Variants in PCDHGA6 observed in about 807,000 individuals in gnomAD.
PCDHGA6 encodes protocadherin gamma subfamily A, 6.
Under a neutral mutation model 60.6 loss-of-function variants are expected in PCDHGA6, and 41 were observed. The ratio of observed to expected loss-of-function variants is 0.68; its 90% CI spans 0.53 to 0.88. The LOEUF (loss-of-function observed/expected upper bound fraction) is 0.88. PCDHGA6 is among the 40% of genes least tolerant of loss of function. The pLI, the probability that PCDHGA6 is intolerant of heterozygous loss-of-function variation, is 0.00. For synonymous variants in PCDHGA6, 594 were observed against 524.4 expected (o/e 1.13, Z -1.81); for missense variants, 1,312 against 1,203.0 (o/e 1.09, Z -1.34).
At chr5:141,504,517 T>C (rs1057166865) in intron 2 of PCDHGA6, among the ~76,000 whole-genome samples, 5 of 151,918 alleles carry the variant, frequency 3.3e-5, no homozygotes, top group African/African-American at 1.2e-4. Context: ...TCTCCTCTGA[T>C]ATATTTTATT....
In PCDHGA6 at chr5:141,422,749, A is replaced by G. The variant is rs202046219; in HGVS notation, c.2424+46242A>G. Reference sequence around the variant, plus strand: ...GGTGCCTCTGTCCTCCTATGTCTCTATTAACTCCAACACTGGTGTTCTCTA... The same window carrying G: ...GGTGCCTCTGTCCTCCTATGTCTCTGTTAACTCCAACACTGGTGTTCTCTA... On this transcript the variant is annotated intron_variant, in intron 1 of 3. Coordinates refer to ENST00000517434, the MANE Select transcript of PCDHGA6 (RefSeq NM_018919.3). 269 of 1,611,644 alleles carry G rather than the reference A, an allele frequency of 1.7e-4. 1 individual carries two copies. The African/African-American group carries it at 3.3e-3, about 20-fold the overall frequency.
At chr5:141,410,631 C>A (rs1227907799) in intron 1 of PCDHGA6, 1 of 1,600,936 alleles carries the variant, frequency 6.2e-7, no homozygotes, top group East Asian at 2.2e-5. Context: ...GTGAGTTTCT[C>A]TTTTTTGTGT....
chr5:141,414,667 G>C, intron 1 of PCDHGA6: 1 of 1,614,002 alleles, frequency 6.2e-7, no homozygotes, highest in Non-Finnish European at 8.5e-7. Flanking sequence ...CCTGGCTGAA[G>C]ACACCATCCA....
In PCDHGA6 at chr5:141,463,735, C is replaced by T. The variant is rs1411988885; in HGVS notation, c.2425-31072C>T. On this transcript the variant is annotated intron_variant, in intron 1 of 3. Coordinates refer to ENST00000517434, the MANE Select transcript of PCDHGA6 (RefSeq NM_018919.3). ...TGCTGGGATTACAGGCATGAGCCAC[C>T]GCGCCCGGCCTGCTTCTCTTCTCTT... 3.3e-5 allele frequency among the ~76,000 whole-genome samples: 5 copies of T among 152,100 alleles called. No individual in the cohort carries two copies. The East Asian group carries it at 7.8e-4, about 24-fold the overall frequency.
rs1163047741 is a variant in PCDHGA6 at position 141,374,379 on chromosome 5, G to C, written c.296G>C (p.Ser99Thr). ...RIDREELCAQ[S>T]PRCLVSFNIL... ...GACCGCGAGGAGCTCTGTGCTCAGAGCCCGCGGTGTCTGGTGAGTTTTAAC... is the reference window on the plus strand; with the variant it reads ...GACCGCGAGGAGCTCTGTGCTCAGACCCCGCGGTGTCTGGTGAGTTTTAAC... Residue 99 changes from serine to threonine, a missense_variant, in exon 1 of 4, where the codon AGC becomes ACC. By Grantham distance (58) the Ser-to-Thr change is moderately conservative (BLOSUM62 1). Coordinates refer to ENST00000517434, the MANE Select transcript of PCDHGA6 (RefSeq NM_018919.3). 6.2e-7 allele frequency: 1 copy of C among 1,614,042 alleles called. No homozygotes were observed. The highest frequency in any genetic ancestry group is 1.7e-5 in the Admixed American group (1 of 60,028).
intron 1 of PCDHGA6, among the ~76,000 whole-genome samples, chr5:141,426,030 G>A (rs966664613): frequency 1.3e-5 from 2 of 152,168 alleles, no homozygotes; most frequent in Admixed American, 6.5e-5. Context: ...AATAGACTCA[G>A]AGCCCTGCTG....
Position 141,490,532 on chromosome 5 carries a change from C to T in PCDHGA6, c.2425-4275C>T. Reference sequence around the variant, plus strand: ...GAGCTGCTGGCCAGCGATGCTGGTTCACCTTCCCTACACAAACATCTCACC... The same window carrying T: ...GAGCTGCTGGCCAGCGATGCTGGTTTACCTTCCCTACACAAACATCTCACC... On this transcript the variant is annotated intron_variant, in intron 1 of 3. Coordinates refer to ENST00000517434, the MANE Select transcript of PCDHGA6 (RefSeq NM_018919.3). This position sits in a 1 kb window ranked among gnomAD's most constrained non-coding sequence, Gnocchi z 5.4. 6.2e-7 allele frequency: 1 copy of T among 1,614,142 alleles called. No homozygotes were observed. Among genetic ancestry groups the T allele is most frequent in the Non-Finnish European group, 8.5e-7 (1 of 1,180,030 alleles).
At position 141,432,579 on chromosome 5, in the gene PCDHGA6, G is replaced by T; in HGVS notation, c.2424+56072G>T. On this transcript the variant is annotated intron_variant, in intron 1 of 3. Coordinates refer to ENST00000517434, the MANE Select transcript of PCDHGA6 (RefSeq NM_018919.3). This position sits in a 1 kb window ranked among gnomAD's most constrained non-coding sequence, Gnocchi z 6.0. ...GGCCAGAACGCCTGGCTGTCCTACC[G>T]TCTGCTCAAGGCCAGCGAGCCGGGA... is the stretch of plus-strand genomic sequence containing the variant. 1 of 1,613,860 alleles carries T rather than the reference G, an allele frequency of 6.2e-7. No homozygotes were observed. Among genetic ancestry groups the T allele is most frequent in the Non-Finnish European group, 8.5e-7 (1 of 1,179,984 alleles).
In PCDHGA6 at chr5:141,432,582, T is replaced by A. The variant is rs1561862595; in HGVS notation, c.2424+56075T>A. 2 of 1,613,236 alleles carry A rather than the reference T, an allele frequency of 1.2e-6. No homozygotes were observed. The highest frequency in any genetic ancestry group is 1.7e-6 in the Non-Finnish European group (2 of 1,179,922). On this transcript the variant is annotated intron_variant, in intron 1 of 3. Transcript: ENST00000517434. This position sits in a 1 kb window ranked among gnomAD's most constrained non-coding sequence, Gnocchi z 6.0. ...CAGAACGCCTGGCTGTCCTACCGTC[T>A]GCTCAAGGCCAGCGAGCCGGGACTC...
intron 1 of PCDHGA6, among the ~76,000 whole-genome samples, chr5:141,474,280 C>A (rs1490512371): frequency 6.6e-6 from 1 of 152,136 alleles, no homozygotes; most frequent in African/African-American, 2.4e-5. Context: ...CTCTGAATAA[C>A]CCACTAGATC....
intron 1 of PCDHGA6, chr5:141,478,825 T>G: frequency 1.4e-6 from 2 of 1,441,878 alleles, no homozygotes; most frequent in East Asian, 5.0e-5. Context: ...TAACCAATCT[T>G]GCTAAGGGAT....
chr5:141,499,414 T>C (rs543824206), intron 2 of PCDHGA6, among the ~76,000 whole-genome samples: 1 of 151,804 alleles, frequency 6.6e-6, no homozygotes, highest in Non-Finnish European at 1.5e-5. Context: ...TATAGAAACA[T>C]GAAAAATAGA....
In PCDHGA6 at chr5:141,408,231, G is replaced by A. The variant is rs775180708; in HGVS notation, c.2424+31724G>A. On this transcript the variant is annotated intron_variant, in intron 1 of 3. Coordinates refer to ENST00000517434, the MANE Select transcript of PCDHGA6 (RefSeq NM_018919.3). ...GGAGGGAGCTGCGCGCAGAGGCGCC[G>A]GGCCGGCCCGCGGCAGGTGCTATTT... 5 of 1,567,976 alleles carry A rather than the reference G, an allele frequency of 3.2e-6. No individual in the cohort carries two copies. In the African/African-American group the frequency reaches 5.4e-5, roughly 17 times the overall value.
intron 2 of PCDHGA6, among the ~76,000 whole-genome samples, chr5:141,503,088 C>T (rs1003234288): frequency 4.0e-5 from 6 of 151,864 alleles, no homozygotes; most frequent in Admixed American, 1.3e-4. Context: ...CTCCTGACCT[C>T]GTGGTCTGCC....
At chr5:141,407,563 A>T (rs1483622352) in intron 1 of PCDHGA6, among the ~76,000 whole-genome samples, 1 of 152,032 alleles carries the variant, frequency 6.6e-6, no homozygotes, top group Non-Finnish European at 1.5e-5. Context: ...ACATAAGCTG[A>T]AAGATAAAAT....
intron 1 of PCDHGA6, chr5:141,410,011 G>T (rs2095347816): frequency 6.2e-7 from 1 of 1,613,184 alleles, no homozygotes; most frequent in South Asian, 1.1e-5. Context: ...ACAACGCCTG[G>T]CTGTCCTACC....
intron 2 of PCDHGA6, among the ~76,000 whole-genome samples, chr5:141,503,269 C>T (rs1161751693): frequency 6.6e-6 from 1 of 152,116 alleles, no homozygotes; most frequent in Non-Finnish European, 1.5e-5. Flanking sequence ...ACCCCAGCAC[C>T]TGGCTCTGTG....
intron 1 of PCDHGA6, among the ~76,000 whole-genome samples, chr5:141,436,839 A>G (rs1247924864): frequency 6.6e-6 from 1 of 152,260 alleles, no homozygotes; most frequent in African/African-American, 2.4e-5. Flanking sequence ...GTGCCTAGGC[A>G]CATTCTTGAT....
intron 1 of PCDHGA6, chr5:141,413,350 G>C: frequency 6.2e-7 from 1 of 1,613,974 alleles, no homozygotes; most frequent in South Asian, 1.1e-5. Context: ...CTTGGGTCTG[G>C]CGCCCCGGGA....
Sources: allele counts gnomAD v4.1 joint callset (sites outside exome capture counted in the v4.1 genomes callset), GRCh38; gene constraint gnomAD v4.1.1; non-coding constraint Gnocchi (gnomAD v3.1); transcripts MANE v1.5; gene names NCBI Gene and HGNC (gene_info 2026-07-23, HGNC 2026-07-21).